CFDP1: variants seen among roughly 807,000 people sequenced by gnomAD.
CFDP1 encodes heterochromatin-stabilizing protein CFDP1.
Under a neutral mutation model 40.1 loss-of-function variants are expected in CFDP1, and 31 were observed. The observed-to-expected ratio is 0.77, with a 90% confidence interval of 0.58 to 1.04. The LOEUF is 1.04. CFDP1 is among the 50% of genes least tolerant of loss of function. CFDP1 has a pLI of 0.00. For synonymous variants in CFDP1, 167 were observed against 120.0 expected, an observed-to-expected ratio of 1.39 and a Z score of -2.56; for missense variants, 423 against 343.4, an observed-to-expected ratio of 1.23 and a Z score of -1.83.
At chr16:75,350,362 GGTTTCAACT>G (rs2078602608) in intron 5 of CFDP1, among the ~76,000 whole-genome samples, 1 of 152,118 alleles carries the variant, frequency 6.6e-6, no homozygotes, top group Non-Finnish European at 1.5e-5. Context: ...AAGGTATGAA[GGTTTCAACT>G]TCTCCATACC....
At chr16:75,353,214 A>T (rs1307645918) in intron 5 of CFDP1, among the ~76,000 whole-genome samples, 1 of 152,240 alleles carries the variant, frequency 6.6e-6, no homozygotes, top group East Asian at 1.9e-4. Context: ...GTAAACAATT[A>T]ACCAAACTTA....
At chr16:75,356,721 TA>T (rs1333790906) in intron 5 of CFDP1, among the ~76,000 whole-genome samples, 1 of 152,146 alleles carries the variant, frequency 6.6e-6, no homozygotes, top group Non-Finnish European at 1.5e-5. Flanking sequence ...AATAGAAAGC[TA>T]TTTAAAAAAA....
intron 5 of CFDP1, among the ~76,000 whole-genome samples, chr16:75,312,250 C>T (rs546996894): frequency 6.6e-6 from 1 of 152,300 alleles, no homozygotes; most frequent in South Asian, 2.1e-4. Context: ...CCATTCACTT[C>T]TCAACACTGT....
intron 5 of CFDP1, among the ~76,000 whole-genome samples, chr16:75,330,343 T>C (rs551759695): frequency 4.6e-5 from 7 of 152,282 alleles, no homozygotes; most frequent in Admixed American, 3.9e-4. Context: ...TCCCAACACT[T>C]TGGGAGGCCA....
intron 5 of CFDP1, chr16:75,394,686 G>C (rs1182215470): frequency 3.6e-5 from 2 of 54,888 alleles, no homozygotes; most frequent in Non-Finnish European, 8.2e-5. Context: ...TTTTTTAAGA[G>C]ACAGGATCTC....
At chr16:75,394,659 T>TTTC (rs1491564853) in intron 5 of CFDP1, 14 of 18,542 alleles carry the variant, frequency 7.6e-4, no homozygotes, top group Admixed American at 8.7e-4. Context: ...TTTTCTTCGC[T>TTTC]TTTTTTTTTT....
intron 5 of CFDP1, among the ~76,000 whole-genome samples, chr16:75,394,439 T>C (rs2078979058): frequency 6.6e-6 from 1 of 152,200 alleles, no homozygotes; most frequent in Non-Finnish European, 1.5e-5. Flanking sequence ...TATTTGTAAA[T>C]CATCTTTGAT....
intron 5 of CFDP1, among the ~76,000 whole-genome samples, chr16:75,352,310 C>T (rs2078618449): frequency 6.6e-6 from 1 of 151,926 alleles, no homozygotes; most frequent in Non-Finnish European, 1.5e-5. Context: ...CACAGCACTC[C>T]ATCCTGGGCA....
At chr16:75,408,152 G>T (rs2079120211) in intron 4 of CFDP1, among the ~76,000 whole-genome samples, 1 of 151,862 alleles carries the variant, frequency 6.6e-6, no homozygotes, top group Non-Finnish European at 1.5e-5. Flanking sequence ...GGGAGGGAAG[G>T]AGGAGAGAGA....
intron 5 of CFDP1, among the ~76,000 whole-genome samples, chr16:75,375,637 C>T (rs756316010): frequency 6.6e-6 from 1 of 151,948 alleles, no homozygotes; most frequent in African/African-American, 2.4e-5. Flanking sequence ...ACAAAAAATA[C>T]AAAAATTAGC....
intron 6 of CFDP1, among the ~76,000 whole-genome samples, chr16:75,303,238 C>T (rs895997863): frequency 1.4e-4 from 21 of 150,826 alleles, no homozygotes; most frequent in African/African-American, 4.1e-4. Flanking sequence ...TGTAGGCGCG[C>T]GCCTGTAATC....
intron 5 of CFDP1, among the ~76,000 whole-genome samples, chr16:75,309,481 CTG>C (rs555881410): frequency 5.1e-4 from 78 of 151,778 alleles, no homozygotes; most frequent in African/African-American, 1.8e-3. Flanking sequence ...TATTGGAAAA[CTG>C]TAGAATGGGG....
At chr16:75,323,305 T>C (rs773312907) in intron 5 of CFDP1, among the ~76,000 whole-genome samples, 14 of 152,190 alleles carry the variant, frequency 9.2e-5, no homozygotes, top group Non-Finnish European at 1.8e-4. Context: ...TCACTGTCTT[T>C]GACTTCCTTA....
intron 4 of CFDP1, among the ~76,000 whole-genome samples, chr16:75,395,458 A>C (rs891708614): frequency 2.0e-5 from 3 of 152,120 alleles, no homozygotes; most frequent in Admixed American, 6.6e-5. Flanking sequence ...CAAGAGATCG[A>C]AACTATCCTG....
intron 5 of CFDP1, among the ~76,000 whole-genome samples, chr16:75,347,055 A>C (rs1321331444): frequency 1.3e-5 from 2 of 152,102 alleles, no homozygotes; most frequent in African/African-American, 4.8e-5. Context: ...AAAATAGAAG[A>C]AAGAACAGGC....
intron 5 of CFDP1, among the ~76,000 whole-genome samples, chr16:75,308,016 T>C (rs1049815767): frequency 2.3e-4 from 35 of 152,356 alleles, no homozygotes; most frequent in African/African-American, 7.7e-4. Context: ...GCAGCTGCAC[T>C]AGATGGTTCT....
Position 75,411,838 on chromosome 16 carries a change from C to G in CFDP1, c.517G>C (p.Gly173Arg). The change falls in exon 4 of 7, where the codon GGT becomes CGT. Residue 173 changes from glycine to arginine, a missense_variant. Physicochemically the swap from Gly to Arg is moderately radical, Grantham distance 125. Transcript: ENST00000283882. ...AGGTTCTCTTACCTTACTTCTTCAC[C>G]AGCAAAATCAAACACCTTGGTGATT... The part of the protein sequence containing the change: ...VKITKVFDFA[G>R]EEVRVTKEVD... 1 of 1,608,532 alleles carries G rather than the reference C, an allele frequency of 6.2e-7. No individual in the cohort carries two copies. Among genetic ancestry groups the G allele is most frequent in the Non-Finnish European group, 8.5e-7 (1 of 1,178,850 alleles).
chr16:75,307,631 T>C (rs569330113), intron 5 of CFDP1, among the ~76,000 whole-genome samples: 1 of 152,270 alleles, frequency 6.6e-6, no homozygotes, highest in East Asian at 1.9e-4. Context: ...AAACCACAGC[T>C]TACTACAGCC....
At chr16:75,427,707 A>G (rs2079357138) in intron 1 of CFDP1, among the ~76,000 whole-genome samples, 2 of 152,236 alleles carry the variant, frequency 1.3e-5, no homozygotes, top group Admixed American at 1.3e-4. Context: ...TTAAACATAC[A>G]CATACTACAA....
Sources: allele counts gnomAD v4.1 joint callset (sites outside exome capture counted in the v4.1 genomes callset), GRCh38; gene constraint gnomAD v4.1.1; transcripts MANE v1.5; gene names NCBI Gene and HGNC (gene_info 2026-07-23, HGNC 2026-07-21).